SNED1: variants seen among roughly 807,000 people sequenced by gnomAD.
SNED1 encodes sushi, nidogen and EGF like domains 1, also known as sushi, nidogen and EGF-like domain-containing protein 1.
A neutral mutation model predicts 166.7 loss-of-function variants in SNED1; 81 were observed. The observed-to-expected ratio is 0.49, with a 90% CI of 0.41 to 0.58. SNED1 has a LOEUF of 0.58. Ranked by LOEUF, SNED1 falls within the 20% of genes least tolerant of loss-of-function variation. SNED1 has a pLI of 0.00. For missense variants in SNED1, 1,604 were observed against 2,000.2 expected (o/e 0.80, Z 3.78); for synonymous variants, 762 against 822.0 (o/e 0.93, Z 1.25).
chr2:241,014,435 GC>G (rs991637090), intron 1 of SNED1, among the ~76,000 whole-genome samples: 11 of 152,202 alleles, frequency 7.2e-5, no homozygotes, highest in African/African-American at 2.2e-4. Context: ...GCTGCCCAGG[GC>G]CACACCCCGG....
At chr2:241,038,579 C>G (rs2061438790) in intron 6 of SNED1, among the ~76,000 whole-genome samples, 1 of 152,248 alleles carries the variant, frequency 6.6e-6, no homozygotes, top group African/African-American at 2.4e-5. Flanking sequence ...CCGAGCCCTG[C>G]CACTGTCTTC....
intron 27 of SNED1, among the ~76,000 whole-genome samples, chr2:241,078,490 A>G (rs2125285664): frequency 6.6e-6 from 1 of 152,020 alleles, no homozygotes; most frequent in Admixed American, 6.5e-5. Context: ...GCTGCATGCT[A>G]CAACATGGAT....
intron 8 of SNED1, among the ~76,000 whole-genome samples, chr2:241,043,290 A>G (rs1008186251): frequency 6.6e-6 from 1 of 152,214 alleles, no homozygotes; most frequent in African/African-American, 2.4e-5. Flanking sequence ...CATTACATAC[A>G]GCGAAACAAG....
At chr2:241,053,444 C>A in intron 16 of SNED1, 118 bp downstream of exon 16, 2 of 1,006,192 alleles carry the variant, frequency 2.0e-6, no homozygotes, top group Non-Finnish European at 2.9e-6. Context: ...TGACCTGGTC[C>A]TGCCCCTGCT....
intron 24 of SNED1, 42 bp from the exon 25 acceptor site, chr2:241,071,534 G>A (rs1348457982): frequency 2.6e-6 from 4 of 1,558,556 alleles, no homozygotes; most frequent in Non-Finnish European, 3.4e-6. Context: ...CAGGAGCAGA[G>A]GGCAGCCCCA....
Position 241,071,807 on chromosome 2 carries a change from T to C in SNED1, c.3746T>C (p.Leu1249Pro). ...CACCCTCTCTGCAGGTTCTCGGAGC[T>C]TGTGGACGGCAGAGGAAGAGTGAGC... The part of the protein sequence containing the change: ...TPTQPPRFSE[L>P]VDGRGRVSAR... Residue 1249 changes from leucine (L) to proline (P), a missense_variant, in exon 26 of 32, where the codon CTT becomes CCT. Coordinates refer to ENST00000310397, the MANE Select transcript of SNED1 (RefSeq NM_001080437.3). The C allele has an allele frequency of 6.3e-7, 1 of 1,596,474 alleles. No individual in the cohort carries two copies. Among genetic ancestry groups the C allele is most frequent in the Non-Finnish European group, 8.5e-7 (1 of 1,172,082 alleles).
chr2:241,044,913 C>A (rs888783029), intron 8 of SNED1, among the ~76,000 whole-genome samples: 1 of 152,262 alleles, frequency 6.6e-6, no homozygotes, highest in Non-Finnish European at 1.5e-5. Flanking sequence ...AAAAAGGTAG[C>A]CCCAGAAAAC....
intron 1 of SNED1, among the ~76,000 whole-genome samples, chr2:241,026,771 G>A (rs1351288035): frequency 2.0e-5 from 3 of 151,950 alleles, no homozygotes; most frequent in Non-Finnish European, 4.4e-5. Flanking sequence ...TAATATCATA[G>A]CCATTTTTAA....
rs1446980379 is a variant in SNED1, at chr2:241,064,970, G to A, written c.2713+13G>A. 10 of 1,555,368 alleles carry A rather than the reference G, an allele frequency of 6.4e-6. No homozygotes were observed. The Middle Eastern group carries it at 5.1e-4, about 79-fold the overall frequency. ...GACTGCGCCAAAGGTGGGTGGCGAG[G>A]GCGCCTCCAGTGAGGGAGCCACGAG... On this transcript the variant is annotated intron_variant, in intron 20 of 31. Coordinates refer to ENST00000310397, the MANE Select transcript of SNED1 (RefSeq NM_001080437.3). This position sits in a 1 kb window ranked among gnomAD's most constrained non-coding sequence, Gnocchi z 7.0.
At position 241,018,191 on chromosome 2, in the gene SNED1, G is replaced by A. The variant is rs375261732; in HGVS notation, c.214-12093G>A. ...GGTTAAGTCTTTTTGCCATGTCACC[G>A]CGCATTTGCAGCTTTGGTCACCATA... is the stretch of plus-strand genomic sequence containing the variant. On this transcript the variant is annotated intron_variant, in intron 1 of 31. Coordinates refer to ENST00000310397, the MANE Select transcript of SNED1 (RefSeq NM_001080437.3). This position sits in a 1 kb window ranked among gnomAD's most constrained non-coding sequence, Gnocchi z 5.4. Among the ~76,000 whole-genome samples, 35 of 152,328 alleles carry A rather than the reference G, an allele frequency of 2.3e-4. No individual in the cohort carries two copies. The South Asian group carries it at 4.3e-3, about 19-fold the overall frequency.
At chr2:241,054,971 G>A (rs1022698849) in intron 16 of SNED1, among the ~76,000 whole-genome samples, 1 of 152,122 alleles carries the variant, frequency 6.6e-6, no homozygotes, top group African/African-American at 2.4e-5. Context: ...ACAAAAACTA[G>A]CCGGGTGTGG....
chr2:240,997,851 G>A (rs996587230), upstream of SNED1, among the ~76,000 whole-genome samples: 1 of 152,206 alleles, frequency 6.6e-6, no homozygotes, highest in African/African-American at 2.4e-5. Flanking sequence ...TCCCGGCTGA[G>A]GCCCTGAGGA....
At position 241,013,884 on chromosome 2, in the gene SNED1, A is replaced by G. The variant is rs1270144492; in HGVS notation, c.213+14834A>G. Among the ~76,000 whole-genome samples the G allele has an allele frequency of 6.6e-6, 1 of 152,198 alleles. No individual in the cohort carries two copies. Among genetic ancestry groups the G allele is most frequent in the Non-Finnish European group, 1.5e-5 (1 of 68,034 alleles). On this transcript the variant is annotated intron_variant, in intron 1 of 31. Transcript: ENST00000310397. The surrounding 1 kb of genome is among the most constrained non-coding windows in gnomAD (Gnocchi z 4.6). ...ATATCTTGCTTATGGGAGTGCAGCT[A>G]TTCTATGAGATACTGGTTTCATTTC... is the stretch of plus-strand genomic sequence containing the variant.
chr2:241,015,020 A>C (rs948617213), intron 1 of SNED1, among the ~76,000 whole-genome samples: 22 of 152,200 alleles, frequency 1.4e-4, no homozygotes, highest in Admixed American at 1.2e-3. Context: ...TGGCCTGACG[A>C]GAAAGGCTGG....
intron 24 of SNED1, among the ~76,000 whole-genome samples, chr2:241,071,202 G>T (rs2062697018): frequency 6.6e-6 from 1 of 152,192 alleles, no homozygotes; most frequent in South Asian, 2.1e-4. Context: ...CCATCAGGAG[G>T]CCACTGGGGA....
intron 12 of SNED1, among the ~76,000 whole-genome samples, chr2:241,050,493 C>A (rs772463166): frequency 2.6e-5 from 4 of 152,136 alleles, no homozygotes; most frequent in Non-Finnish European, 4.4e-5. Context: ...AGTGACCTGG[C>A]ACCCTCTCCA....
chr2:241,012,139 G>A (rs950589410), intron 1 of SNED1, among the ~76,000 whole-genome samples: 1 of 152,188 alleles, frequency 6.6e-6, no homozygotes, highest in Non-Finnish European at 1.5e-5. Context: ...AGCATGGGGG[G>A]TGCGGCGAGG....
intron 21 of SNED1, 87 bp from the exon 22 acceptor site, chr2:241,067,677 C>A: frequency 8.5e-7 from 1 of 1,178,412 alleles, no homozygotes; most frequent in Non-Finnish European, 1.2e-6. Context: ...CCCCAGCACC[C>A]TCCCAAGCCT....
intron 8 of SNED1, among the ~76,000 whole-genome samples, chr2:241,041,701 A>C (rs1487141740): frequency 6.6e-6 from 1 of 152,178 alleles, no homozygotes; most frequent in East Asian, 1.9e-4. Flanking sequence ...AAAAAACAAA[A>C]GAGGAAGAAG....
Sources: allele counts gnomAD v4.1 joint callset (sites outside exome capture counted in the v4.1 genomes callset), GRCh38; gene constraint gnomAD v4.1.1; non-coding constraint Gnocchi (gnomAD v3.1); transcripts MANE v1.5; gene names NCBI Gene and HGNC (gene_info 2026-07-23, HGNC 2026-07-21).